The following EMC2 variants were observed in gnomAD, a reference collection of about 807,000 sequenced individuals.
EMC2 encodes the protein ER membrane protein complex subunit 2.
A neutral mutation model predicts 51.6 loss-of-function variants in EMC2; 37 were observed. The ratio of observed to expected loss-of-function variants is 0.72; its 90% CI spans 0.55 to 0.94. The LOEUF is 0.94. Among genes scored for constraint, EMC2 ranks in the 40% least tolerant of loss-of-function variants. The pLI is 0.00. For missense variants in EMC2, 359 were observed against 350.9 expected (o/e 1.02, Z -0.18); for synonymous variants, 131 against 112.4 (o/e 1.17, Z -1.04).
intron 5 of EMC2, among the ~76,000 whole-genome samples, chr8:108,466,654 G>A (rs966501770): frequency 4.6e-5 from 7 of 151,902 alleles, no homozygotes; most frequent in Non-Finnish European, 1.0e-4. Context: ...ACATTTTGCT[G>A]TGTTGTCCAG....
intron 1 of EMC2, among the ~76,000 whole-genome samples, 185 bp from the exon 2 acceptor site, chr8:108,449,638 G>A (rs1205789866): frequency 6.6e-6 from 1 of 152,152 alleles, no homozygotes; most frequent in Admixed American, 6.5e-5. Flanking sequence ...TAAAGGATCT[G>A]TTGCCCTTGT....
chr8:108,458,431 A>G (rs1819220957), intron 5 of EMC2, among the ~76,000 whole-genome samples: 1 of 152,182 alleles, frequency 6.6e-6, no homozygotes, highest in African/African-American at 2.4e-5. Context: ...CCGTGCAACA[A>G]ACTTCTGCCT....
Position 108,486,675 on chromosome 8 carries a change from G to T in EMC2, c.*77G>T. 1 of 1,403,366 alleles carries T rather than the reference G, an allele frequency of 7.1e-7. No homozygotes were observed. Among genetic ancestry groups the T allele is most frequent in the African/African-American group, 1.5e-5 (1 of 68,520 alleles). The allele number at this position is 1,403,366 out of a possible 1,614,324, so 86.9% of individuals were successfully genotyped here. ...TTGGCCTGTAACTTATTTACTAAAT[G>T]CTCAGTGCTATTTATATACTACAGT... is the stretch of plus-strand genomic sequence containing the variant. On this transcript the variant is annotated 3_prime_UTR_variant, in exon 11 of 11. Coordinates refer to ENST00000220853, the MANE Select transcript of EMC2 (RefSeq NM_014673.5).
intron 8 of EMC2, 116 bp downstream of exon 8, chr8:108,476,079 G>A (rs1395607431): frequency 1.8e-5 from 10 of 558,776 alleles, no homozygotes; most frequent in East Asian, 1.6e-4. Flanking sequence ...TAAAACATCT[G>A]ATGAGCATTG....
chr8:108,469,706 A>C (rs1040937806), intron 5 of EMC2, 120 bp from the exon 6 acceptor site: 3 of 751,058 alleles, frequency 4.0e-6, no homozygotes, highest in African/African-American at 3.5e-5. Context: ...CCCACTAAGC[A>C]GTAGTTCTAC....
Position 108,486,488 on chromosome 8 carries a change from CT to C in EMC2, c.808-7del, listed in dbSNP as rs34429579. 2.4e-3 allele frequency: 3,165 copies of C among 1,319,028 alleles called. No individual in the cohort carries two copies. The highest frequency in any genetic ancestry group is 8.7e-3 in the Admixed American group (260 of 30,040). The allele number at this position is 1,319,028 out of a possible 1,614,324, so 81.7% of individuals were successfully genotyped here. On this transcript the variant is annotated intron_variant, in intron 10 of 10. Transcript: ENST00000220853. ...GCCACTGAAATTGAGCCTAATTGAG[CT>C]TTTTTTTTTTTTTTTTAATTAGTTT...
chr8:108,459,254 G>T (rs1819246733), intron 5 of EMC2, among the ~76,000 whole-genome samples: 1 of 152,126 alleles, frequency 6.6e-6, no homozygotes, highest in South Asian at 2.1e-4. Flanking sequence ...AACTGTTTCA[G>T]TCTCTGCCAG....
chr8:108,479,359 G>A (rs937251638), intron 10 of EMC2, among the ~76,000 whole-genome samples: 19 of 151,912 alleles, frequency 1.3e-4, no homozygotes, highest in Admixed American at 1.1e-3. Context: ...TCTGCATTTG[G>A]CAAACGCAAA....
chr8:108,463,107 A>G (rs1450779523), intron 5 of EMC2, among the ~76,000 whole-genome samples: 1 of 152,220 alleles, frequency 6.6e-6, no homozygotes, highest in Non-Finnish European at 1.5e-5. Context: ...CTAGAAGTAC[A>G]AAAAGAAGGT....
intron 5 of EMC2, among the ~76,000 whole-genome samples, chr8:108,465,511 A>G (rs1819445506): frequency 6.6e-6 from 1 of 152,258 alleles, no homozygotes. Context: ...CTCTTTGAAG[A>G]AAATAGAATA....
At chr8:108,458,194 G>A (rs760034934) in intron 5 of EMC2, among the ~76,000 whole-genome samples, 17 of 152,220 alleles carry the variant, frequency 1.1e-4, no homozygotes, top group Non-Finnish European at 2.2e-4. Flanking sequence ...TGGCTTTGCA[G>A]GGTACATCCT....
intron 5 of EMC2, among the ~76,000 whole-genome samples, chr8:108,463,134 CT>C (rs1311049321): frequency 3.9e-5 from 6 of 152,026 alleles, no homozygotes; most frequent in Non-Finnish European, 7.4e-5. Context: ...TTGTGAACAG[CT>C]TGGTAATTTT....
At chr8:108,466,125 T>G (rs7842272) in intron 5 of EMC2, among the ~76,000 whole-genome samples, 103,987 of 152,054 alleles carry the variant, frequency 0.68, 36,134 homozygotes, top group African/African-American at 0.81. Flanking sequence ...TACAAGGTCA[T>G]AGAGAAGTTA....
At chr8:108,459,721 A>AGAGAGAGTGT (rs763020311) in intron 5 of EMC2, among the ~76,000 whole-genome samples, 2,025 of 136,912 alleles carry the variant, frequency 0.015, 19 homozygotes, top group African/African-American at 0.037. Context: ...AGAGAGAGAG[A>AGAGAGAGTGT]GTGTGTGTGT....
At chr8:108,478,140 C>T (rs1262268285) in intron 9 of EMC2, among the ~76,000 whole-genome samples, 1 of 152,004 alleles carries the variant, frequency 6.6e-6, no homozygotes, top group African/African-American at 2.4e-5. Flanking sequence ...GGTGAAAGAG[C>T]CTATAGCACA....
chr8:108,447,109 A>T lies in EMC2; in HGVS notation c.41-2714A>T, dbSNP rs73699816. Reference sequence around the variant, plus strand: ...CTCAATTAAGTATACCTATACATGAATCTTTGAGTGTATGTATAAACTGAA... The same window carrying T: ...CTCAATTAAGTATACCTATACATGATTCTTTGAGTGTATGTATAAACTGAA... On this transcript the variant is annotated intron_variant, in intron 1 of 10. Transcript: ENST00000220853. Among the ~76,000 whole-genome samples, 1,246 of 152,276 alleles carry T rather than the reference A, an allele frequency of 8.2e-3. 20 individuals are homozygous for T. The highest frequency in any genetic ancestry group is 0.028 in the African/African-American group (1,169 of 41,548).
At chr8:108,454,506 T>A (rs1208532867) in intron 4 of EMC2, among the ~76,000 whole-genome samples, 1 of 152,092 alleles carries the variant, frequency 6.6e-6, no homozygotes, top group Non-Finnish European at 1.5e-5. Flanking sequence ...TTTTAATTCT[T>A]CTCTTTCGTC....
chr8:108,482,586 T>A (rs375289327), intron 10 of EMC2, among the ~76,000 whole-genome samples: 1 of 121,332 alleles, frequency 8.2e-6, no homozygotes, highest in Non-Finnish European at 1.7e-5. Context: ...TAATTTTTAA[T>A]TTTTATTTTT....
At chr8:108,451,107 G>A (rs1819007891) in intron 3 of EMC2, among the ~76,000 whole-genome samples, 1 of 152,104 alleles carries the variant, frequency 6.6e-6, no homozygotes, top group South Asian at 2.1e-4. Flanking sequence ...GGGGGCTGAG[G>A]CAGGAGGATC....
Sources: gnomAD v4.1 joint callset for allele counts (sites outside exome capture counted in the v4.1 genomes callset) on GRCh38, gnomAD v4.1.1 for gene constraint, MANE v1.5 for transcripts, NCBI Gene and HGNC (gene_info 2026-07-23, HGNC 2026-07-21) for gene names.